ROBO2: variants seen among roughly 807,000 people sequenced by gnomAD.
ROBO2 encodes the protein roundabout homolog 2.
A neutral mutation model predicts 160.8 loss-of-function variants in ROBO2; 53 were observed. That is an observed-to-expected ratio of 0.33 (90% confidence interval 0.26 to 0.41). The LOEUF (loss-of-function observed/expected upper bound fraction) is 0.41, where lower values mean the gene tolerates loss of function less well. Among genes scored for constraint, ROBO2 ranks in the 10% least tolerant of loss-of-function variants. The pLI is 1.00. For missense variants in ROBO2, 1,577 were observed against 1,722.4 expected (o/e 0.92, Z 1.49); for synonymous variants, 664 against 611.7 (o/e 1.09, Z -1.26).
intron 2 of ROBO2, among the ~76,000 whole-genome samples, chr3:76,132,433 G>A (rs1236584172): frequency 7.1e-6 from 1 of 139,916 alleles, no homozygotes; most frequent in Non-Finnish European, 1.5e-5. Context: ...CATAAACCAC[G>A]TTTGTCCAAA....
intron 2 of ROBO2, among the ~76,000 whole-genome samples, chr3:76,155,814 CA>C (rs1169504001): frequency 1.6e-4 from 24 of 152,242 alleles, no homozygotes; most frequent in Admixed American, 5.9e-4. Flanking sequence ...GAAACGTTAA[CA>C]AAGATGCATG....
chr3:77,605,133 C>T (rs1461401236), intron 20 of ROBO2, among the ~76,000 whole-genome samples: 1 of 148,436 alleles, frequency 6.7e-6, no homozygotes, highest in Non-Finnish European at 1.5e-5. Context: ...CACTGCACTC[C>T]AGCCTGGGTG....
chr3:77,532,506 AT>A (rs1252411538), intron 6 of ROBO2, among the ~76,000 whole-genome samples: 3 of 150,768 alleles, frequency 2.0e-5, no homozygotes, highest in African/African-American at 4.9e-5. Flanking sequence ...TTATCTTTGA[AT>A]TTTTTTTCTG....
intron 2 of ROBO2, among the ~76,000 whole-genome samples, chr3:76,056,883 A>G (rs1293689381): frequency 6.6e-6 from 1 of 152,130 alleles, no homozygotes; most frequent in Non-Finnish European, 1.5e-5. Flanking sequence ...ACATATGTTA[A>G]TAGTATGCAG....
At chr3:76,957,966 G>A (rs2079397973) in intron 2 of ROBO2, among the ~76,000 whole-genome samples, 1 of 152,188 alleles carries the variant, frequency 6.6e-6, no homozygotes, top group African/African-American at 2.4e-5. Context: ...CTGAACCCCA[G>A]TGAAAGAGTC....
At chr3:77,438,657 A>G (rs182958557) in intron 2 of ROBO2, among the ~76,000 whole-genome samples, 4 of 152,078 alleles carry the variant, frequency 2.6e-5, no homozygotes, top group Admixed American at 2.0e-4. Context: ...CAAGCATATT[A>G]TATATGTGCT....
chr3:76,434,019 T>C (rs949756264), intron 2 of ROBO2: 5 of 1,158,888 alleles, frequency 4.3e-6, no homozygotes, highest in East Asian at 2.3e-5. Flanking sequence ...TGGTTCATTA[T>C]GGCTGACATG....
intron 6 of ROBO2, among the ~76,000 whole-genome samples, chr3:77,537,716 C>T (rs574470847): frequency 6.6e-6 from 1 of 152,214 alleles, no homozygotes; most frequent in African/African-American, 2.4e-5. Context: ...GAGGTTTAAT[C>T]GACTCATAGC....
intron 2 of ROBO2, among the ~76,000 whole-genome samples, chr3:76,242,619 C>T (rs948340676): frequency 6.6e-6 from 1 of 152,268 alleles, no homozygotes; most frequent in African/African-American, 2.4e-5. Context: ...GGCGTGGTGG[C>T]TCGGTCTTGC....
intron 2 of ROBO2, among the ~76,000 whole-genome samples, chr3:76,394,810 A>T (rs1215825546): frequency 6.6e-6 from 1 of 152,132 alleles, no homozygotes; most frequent in African/African-American, 2.4e-5. Context: ...ATACAGGAGG[A>T]CCCAGATTCA....
chr3:77,161,202 A>G (rs970427628), intron 2 of ROBO2, among the ~76,000 whole-genome samples: 6 of 152,192 alleles, frequency 3.9e-5, no homozygotes, highest in Non-Finnish European at 5.9e-5. Context: ...AGAAAAACAC[A>G]TTATGACCGT....
At chr3:77,628,800 A>G (rs2095093250) in intron 23 of ROBO2, among the ~76,000 whole-genome samples, 1 of 152,172 alleles carries the variant, frequency 6.6e-6, no homozygotes, top group Non-Finnish European at 1.5e-5. Flanking sequence ...ACACAACTAC[A>G]CTAACGTGAG....
chr3:76,678,623 T>C (rs544452693), intron 2 of ROBO2, among the ~76,000 whole-genome samples: 1 of 152,308 alleles, frequency 6.6e-6, no homozygotes, highest in South Asian at 2.1e-4. Context: ...TACTCTTTAT[T>C]TGAAACATTT....
intron 2 of ROBO2, among the ~76,000 whole-genome samples, chr3:76,031,636 T>A (rs182934278): frequency 1.8e-4 from 28 of 152,202 alleles, no homozygotes; most frequent in Admixed American, 1.5e-3. Context: ...GGTTTTTGTC[T>A]TTGGTTCTGT....
At chr3:77,520,629 T>C (rs902955672) in intron 5 of ROBO2, among the ~76,000 whole-genome samples, 2 of 151,166 alleles carry the variant, frequency 1.3e-5, no homozygotes, top group African/African-American at 2.4e-5. Context: ...AACTCAGCTA[T>C]AGGGCAATGT....
intron 2 of ROBO2, among the ~76,000 whole-genome samples, chr3:76,410,773 A>G (rs556287395): frequency 3.8e-4 from 58 of 152,302 alleles, no homozygotes; most frequent in South Asian, 3.1e-3. Context: ...TTAATGGTAT[A>G]AACATATTGT....
intron 2 of ROBO2, among the ~76,000 whole-genome samples, chr3:76,184,542 G>GAGATAGATAGAT (rs78271272): frequency 2.3e-3 from 335 of 146,404 alleles, no homozygotes; most frequent in African/African-American, 3.4e-3. Context: ...GAACAAATAG[G>GAGATAGATAGAT]AGATAGATAG....
At chr3:76,925,601 T>G (rs1393190370) in intron 2 of ROBO2, among the ~76,000 whole-genome samples, 1 of 152,188 alleles carries the variant, frequency 6.6e-6, no homozygotes, top group Non-Finnish European at 1.5e-5. Context: ...TAGAATATTG[T>G]TTTGATATTT....
chr3:76,964,805 C>G (rs959477275), intron 2 of ROBO2, among the ~76,000 whole-genome samples: 5 of 152,188 alleles, frequency 3.3e-5, no homozygotes, highest in African/African-American at 4.8e-5. Flanking sequence ...CAGAACTGCA[C>G]TGGTTACCAC....
Sources: gnomAD v4.1 joint callset for allele counts (sites outside exome capture counted in the v4.1 genomes callset) on GRCh38, gnomAD v4.1.1 for gene constraint, MANE v1.5 for transcripts, NCBI Gene and HGNC (gene_info 2026-07-23, HGNC 2026-07-21) for gene names.